Variants in AGBL4 observed in about 807,000 individuals in gnomAD.
AGBL4 encodes AGBL carboxypeptidase 4, also known as cytosolic carboxypeptidase 6.
A neutral mutation model predicts 66.4 loss-of-function variants in AGBL4; 58 were observed. The observed-to-expected ratio is 0.87, with a 90% CI of 0.71 to 1.09. The LOEUF (loss-of-function observed/expected upper bound fraction) is 1.09, where lower values mean the gene tolerates loss of function less well. Among genes scored for constraint, AGBL4 ranks in the 50% least tolerant of loss-of-function variants. The pLI is 0.00. For missense variants in AGBL4, 579 were observed against 631.0 expected (o/e 0.92, Z 0.88); for synonymous variants, 234 against 222.9 (o/e 1.05, Z -0.44).
chr1:49,495,194 T>A lies in AGBL4; in HGVS notation c.282+202119A>T, dbSNP rs557054458. Among the ~76,000 whole-genome samples the A allele has an allele frequency of 2.6e-5, 4 of 152,018 alleles. No individual in the cohort carries two copies. In the East Asian group the frequency reaches 5.8e-4, roughly 22 times the overall value. ...GGTGCACATGGTACCTGGAATCATA[T>A]AAAATTTTATCTAACAAAAAGAAAT... is the stretch of plus-strand genomic sequence containing the variant. On this transcript the variant is annotated intron_variant, in intron 3 of 13. Transcript: ENST00000371839.
rs140305941 is a variant in AGBL4 at position 49,703,927 on chromosome 1, G to T, written c.158-6490C>A. Among the ~76,000 whole-genome samples the T allele has an allele frequency of 1.7e-3, 263 of 152,024 alleles. 2 individuals carry two copies. The highest frequency in any genetic ancestry group is 0.017 in the Middle Eastern group (5 of 294). On this transcript the variant is annotated intron_variant, in intron 2 of 13. Coordinates refer to ENST00000371839, the MANE Select transcript of AGBL4 (RefSeq NM_032785.4). ...AATAACTGCAGTAGCAACAAGCAAT[G>T]GCACTACCAGCAAAAAATTAAAAAT...
chr1:49,864,926 G>A (rs1646665083), intron 1 of AGBL4, among the ~76,000 whole-genome samples: 1 of 152,182 alleles, frequency 6.6e-6, no homozygotes, highest in Admixed American at 6.5e-5. Flanking sequence ...CAGTGCTGAG[G>A]AGGCTGGGCA....
In AGBL4 at chr1:49,851,377, AAGCCTTTAAT is replaced by A. The variant is rs1480488468; in HGVS notation, c.157+9_157+18del. 25 of 1,529,216 alleles carry A rather than the reference AAGCCTTTAAT, an allele frequency of 1.6e-5. No homozygotes were observed. In the South Asian group the frequency reaches 3.2e-4, roughly 19 times the overall value. The allele number at this position is 1,529,216 out of a possible 1,614,324, so 94.7% of individuals were successfully genotyped here. ...CCTTACCAGACAAACTTAAAAGGAAAAGCCTTTAATATACTTACCACTTTCAAAGCAAGCA... is the reference window on the plus strand; with the variant it reads ...CCTTACCAGACAAACTTAAAAGGAAAATACTTACCACTTTCAAAGCAAGCA... On this transcript the variant is annotated intron_variant, in intron 2 of 13. Transcript: ENST00000371839.
intron 3 of AGBL4, among the ~76,000 whole-genome samples, chr1:49,654,239 T>G (rs570557552): frequency 4.6e-5 from 7 of 152,306 alleles, no homozygotes; most frequent in Non-Finnish European, 8.8e-5. Flanking sequence ...CGGTTTTGAC[T>G]GAGTTTCTTA....
At chr1:49,565,430 A>G (rs1397944825) in intron 3 of AGBL4, among the ~76,000 whole-genome samples, 1 of 152,138 alleles carries the variant, frequency 6.6e-6, no homozygotes, top group African/African-American at 2.4e-5. Context: ...ATGTTTTTGC[A>G]GTGGCTGGTA....
intron 5 of AGBL4, among the ~76,000 whole-genome samples, chr1:48,921,907 T>C (rs1333131367): frequency 6.6e-6 from 1 of 152,224 alleles, no homozygotes; most frequent in African/African-American, 2.4e-5. Flanking sequence ...GATGTAATAT[T>C]ATTTTTCTTC....
chr1:48,976,117 A>T (rs1204185478), intron 5 of AGBL4, among the ~76,000 whole-genome samples: 5 of 152,198 alleles, frequency 3.3e-5, no homozygotes, highest in Admixed American at 3.3e-4. Flanking sequence ...GACATTTGAC[A>T]ATGGAATTAT....
intron 1 of AGBL4, among the ~76,000 whole-genome samples, chr1:49,915,123 C>T (rs932661123): frequency 6.6e-6 from 1 of 152,132 alleles, no homozygotes; most frequent in Non-Finnish European, 1.5e-5. Context: ...GATGACCAAA[C>T]AGGAACAGCT....
intron 6 of AGBL4, among the ~76,000 whole-genome samples, chr1:48,826,246 C>A (rs1253347060): frequency 6.6e-6 from 1 of 152,124 alleles, no homozygotes; most frequent in Non-Finnish European, 1.5e-5. Flanking sequence ...GTCTCACATT[C>A]TGTAAAATGG....
intron 3 of AGBL4, among the ~76,000 whole-genome samples, chr1:49,640,046 T>A (rs1468595501): frequency 6.6e-6 from 1 of 152,138 alleles, no homozygotes; most frequent in African/African-American, 2.4e-5. Flanking sequence ...ATATTTCTCC[T>A]GCAACATCAG....
At chr1:49,254,579 G>A (rs190541386) in intron 3 of AGBL4, among the ~76,000 whole-genome samples, 1 of 152,098 alleles carries the variant, frequency 6.6e-6, no homozygotes, top group African/African-American at 2.4e-5. Flanking sequence ...TGTTAAAATG[G>A]TCATACTGCC....
At chr1:49,163,636 G>A (rs550267763) in intron 4 of AGBL4, among the ~76,000 whole-genome samples, 81 of 152,244 alleles carry the variant, frequency 5.3e-4, no homozygotes, top group African/African-American at 1.9e-3. Context: ...ATAAACGTCT[G>A]TTGATGTATG....
At chr1:48,557,219 G>A (rs899711043) in intron 11 of AGBL4, among the ~76,000 whole-genome samples, 3 of 152,120 alleles carry the variant, frequency 2.0e-5, no homozygotes, top group Non-Finnish European at 4.4e-5. Context: ...TATTTTCTAT[G>A]TGAAACAATA....
intron 3 of AGBL4, among the ~76,000 whole-genome samples, chr1:49,693,739 G>A (rs1377109143): frequency 6.6e-6 from 1 of 152,048 alleles, no homozygotes; most frequent in East Asian, 1.9e-4. Context: ...AAAAGAAATA[G>A]AGCTTAATCA....
At chr1:49,307,306 T>C (rs1644864561) in intron 3 of AGBL4, among the ~76,000 whole-genome samples, 3 of 152,098 alleles carry the variant, frequency 2.0e-5, no homozygotes, top group African/African-American at 7.2e-5. Flanking sequence ...CTCCAAATTC[T>C]GGCTCATGAG....
At chr1:48,914,465 A>C (rs773796084) in intron 5 of AGBL4, among the ~76,000 whole-genome samples, 3 of 152,214 alleles carry the variant, frequency 2.0e-5, no homozygotes, top group Admixed American at 6.5e-5. Flanking sequence ...AAATTCTTTT[A>C]AATAACTTTG....
At chr1:48,646,878 G>A (rs1196125595) in intron 8 of AGBL4, among the ~76,000 whole-genome samples, 2 of 152,042 alleles carry the variant, frequency 1.3e-5, no homozygotes, top group African/African-American at 4.8e-5. Flanking sequence ...TAAATGAAAC[G>A]ATACCTATAA....
At chr1:49,270,865 C>T (rs551810715) in intron 3 of AGBL4, among the ~76,000 whole-genome samples, 2 of 152,206 alleles carry the variant, frequency 1.3e-5, no homozygotes, top group South Asian at 2.1e-4. Flanking sequence ...AAACAATTGA[C>T]GAGAATATCA....
intron 5 of AGBL4, among the ~76,000 whole-genome samples, chr1:48,921,446 G>A (rs544200053): frequency 5.3e-5 from 8 of 152,254 alleles, no homozygotes; most frequent in African/African-American, 1.7e-4. Context: ...GTAGGTAATA[G>A]AAAAGTGTTT....
Sources: gnomAD v4.1 joint callset for allele counts (sites outside exome capture counted in the v4.1 genomes callset) on GRCh38, gnomAD v4.1.1 for gene constraint, MANE v1.5 for transcripts, NCBI Gene and HGNC (gene_info 2026-07-23, HGNC 2026-07-21) for gene names.